CLOCK: variants seen among roughly 807,000 people sequenced by gnomAD.
The protein encoded by CLOCK is clock circadian regulator.
In CLOCK, 43 loss-of-function variants were observed where a neutral mutation model predicts 118.4. The observed-to-expected ratio is 0.36, with a 90% CI of 0.28 to 0.47. The LOEUF is 0.47. CLOCK is among the 20% of genes least tolerant of loss of function. The probability of loss-of-function intolerance (pLI) is 1.00; values close to 1 mark genes in which losing one functional copy is unlikely to be tolerated. For synonymous variants in CLOCK, 326 were observed against 339.2 expected (o/e 0.96, Z 0.43); for missense variants, 846 against 999.9 (o/e 0.85, Z 2.08).
intron 17 of CLOCK, 90 bp from the exon 18 acceptor site, chr4:55,448,958 AT>A: frequency 9.6e-7 from 1 of 1,036,558 alleles, no homozygotes; most frequent in South Asian, 1.3e-5. Context: ...ATTCGTATTA[AT>A]AAACTTACCA....
intron 11 of CLOCK, 110 bp from the exon 12 acceptor site, chr4:55,456,410 C>T: frequency 1.4e-6 from 1 of 701,856 alleles, no homozygotes; most frequent in South Asian, 1.7e-5. Flanking sequence ...CACCTGTAAT[C>T]CCAGCACTTT....
chr4:55,525,081 T>C (rs962413211), intron 1 of CLOCK, among the ~76,000 whole-genome samples: 1 of 152,198 alleles, frequency 6.6e-6, no homozygotes, highest in African/African-American at 2.4e-5. Flanking sequence ...GAAACAAATC[T>C]TAGTAATGAA....
chr4:55,511,624 C>T (rs1729150498), intron 1 of CLOCK, among the ~76,000 whole-genome samples: 1 of 152,122 alleles, frequency 6.6e-6, no homozygotes, highest in Admixed American at 6.5e-5. Context: ...ACTGACACAT[C>T]CTTATCACCC....
Position 55,428,769 on chromosome 4 carries a change from A to G in CLOCK, c.*6646T>C, listed in dbSNP as rs2109581500. The G allele has an allele frequency of 6.6e-6, 1 of 152,168 alleles. No homozygotes were observed. The highest frequency in any genetic ancestry group is 6.5e-5 in the Admixed American group (1 of 15,294). The allele number at this position is 152,168 out of a possible 1,614,324, so 9.4% of individuals were successfully genotyped here. A position where few individuals can be genotyped will look rare whatever the true frequency, so the allele number is the denominator to read the frequency against. On this transcript the variant is annotated 3_prime_UTR_variant, in exon 23 of 23. Coordinates refer to ENST00000513440, the MANE Select transcript of CLOCK (RefSeq NM_004898.4). ...ACTACCAACTGATGTTAACAATGAAAAATTTACAAAGGTAAAACTTTTTTT... is the reference window on the plus strand; with the variant it reads ...ACTACCAACTGATGTTAACAATGAAGAATTTACAAAGGTAAAACTTTTTTT...
At chr4:55,526,667 G>A (rs982598180) in intron 1 of CLOCK, among the ~76,000 whole-genome samples, 1 of 151,994 alleles carries the variant, frequency 6.6e-6, no homozygotes, top group African/African-American at 2.4e-5. Context: ...AAAAGCTCTA[G>A]GCCGGGCACG....
intron 1 of CLOCK, among the ~76,000 whole-genome samples, chr4:55,542,072 G>A (rs1731303643): frequency 6.6e-6 from 1 of 151,808 alleles, no homozygotes. Context: ...TGGGCATGGT[G>A]GCTCATGCCT....
At chr4:55,473,495 C>T (rs1726286733) in intron 7 of CLOCK, among the ~76,000 whole-genome samples, 1 of 152,168 alleles carries the variant, frequency 6.6e-6, no homozygotes, top group South Asian at 2.1e-4. Flanking sequence ...AAGAATTAAT[C>T]ACACAATTAA....
At chr4:55,504,240 C>T (rs577531754) in intron 2 of CLOCK, among the ~76,000 whole-genome samples, 75 of 140,986 alleles carry the variant, frequency 5.3e-4, no homozygotes, top group African/African-American at 1.9e-3. Context: ...GAGCCAAGAT[C>T]GCACCACTGC....
intron 6 of CLOCK, among the ~76,000 whole-genome samples, chr4:55,477,222 A>G (rs1463967949): frequency 6.6e-6 from 1 of 151,994 alleles, no homozygotes; most frequent in Non-Finnish European, 1.5e-5. Flanking sequence ...TGAAAAAAAA[A>G]ATTACCTAAT....
At chr4:55,492,952 A>C (rs1727818784) in intron 2 of CLOCK, among the ~76,000 whole-genome samples, 1 of 152,256 alleles carries the variant, frequency 6.6e-6, no homozygotes, top group Non-Finnish European at 1.5e-5. Flanking sequence ...GAATATAGCA[A>C]AAGTATCAAC....
Position 55,448,823 on chromosome 4 carries a change from T to C in CLOCK, c.1495A>G (p.Met499Val). ...ATTGGTAAATTTGTAGCTTGAGACATCACTGGCTGTGTTAATGATGAACCA... is the reference window on the plus strand; with the variant it reads ...ATTGGTAAATTTGTAGCTTGAGACACCACTGGCTGTGTTAATGATGAACCA... ...SVGSSLTQPV[M>V]SQATNLPIPQ... is the part of the protein sequence containing the mutation. Residue 499 changes from methionine to valine, a missense_variant, in exon 18 of 23, where the codon ATG becomes GTG. Coordinates refer to ENST00000513440, the MANE Select transcript of CLOCK (RefSeq NM_004898.4). 6.2e-7 allele frequency: 1 copy of C among 1,614,014 alleles called. No homozygotes were observed. Among genetic ancestry groups the C allele is most frequent in the South Asian group, 1.1e-5 (1 of 91,076 alleles).
At chr4:55,531,246 C>T (rs1730523752) in intron 1 of CLOCK, among the ~76,000 whole-genome samples, 1 of 151,798 alleles carries the variant, frequency 6.6e-6, no homozygotes, top group Non-Finnish European at 1.5e-5. Flanking sequence ...AAAAAATAGC[C>T]CCAGCACTAT....
chr4:55,540,069 G>A (rs28525309), intron 1 of CLOCK, among the ~76,000 whole-genome samples: 2 of 149,852 alleles, frequency 1.3e-5, no homozygotes, highest in Non-Finnish European at 3.0e-5. Flanking sequence ...GTGCAATGGC[G>A]TGATCTCTGC....
chr4:55,456,525 G>A (rs764016654), intron 11 of CLOCK, among the ~76,000 whole-genome samples: 2 of 151,894 alleles, frequency 1.3e-5, no homozygotes, highest in Non-Finnish European at 2.9e-5. Context: ...AGCAGGGCAC[G>A]GTGGCGGGCA....
Position 55,431,239 on chromosome 4 carries a change from A to G in CLOCK, c.*4176T>C, listed in dbSNP as rs1391866988. ...ACCTGTCTCATAAAGCAGCAGCACT[A>G]TCTTTTGGTAGGCTGACAATAGGCA... is the stretch of plus-strand genomic sequence containing the variant. On this transcript the variant is annotated 3_prime_UTR_variant, in exon 23 of 23. Transcript: ENST00000513440. 1.3e-5 allele frequency: 2 copies of G among 152,212 alleles called. No individual in the cohort carries two copies. The highest frequency in any genetic ancestry group is 2.9e-5 in the Non-Finnish European group (2 of 68,030). The allele number at this position is 152,212 out of a possible 1,614,324, so 9.4% of individuals were successfully genotyped here. A position where few individuals can be genotyped will look rare whatever the true frequency, so the allele number is the denominator to read the frequency against.
At chr4:55,472,065 T>C (rs953033853) in intron 7 of CLOCK, among the ~76,000 whole-genome samples, 1 of 151,968 alleles carries the variant, frequency 6.6e-6, no homozygotes, top group Non-Finnish European at 1.5e-5. Flanking sequence ...AGTGAGACCC[T>C]GTCTCAAAAT....
At position 55,515,618 on chromosome 4, in the gene CLOCK, C is replaced by T. The variant is rs927831039; in HGVS notation, c.-289-5553G>A. Among the ~76,000 whole-genome samples the T allele has an allele frequency of 1.8e-4, 28 of 152,098 alleles. 1 individual carries two copies. Among genetic ancestry groups the T allele is most frequent in the Admixed American group, 1.4e-3 (21 of 15,248 alleles). ...CAGGATGGTCTCAATCTCCTGACCT[C>T]GTGATCCACCCACCTCTGCCTCCCA... On this transcript the variant is annotated intron_variant, in intron 1 of 22. Transcript: ENST00000513440.
chr4:55,526,360 G>T (rs1413248655), intron 1 of CLOCK, among the ~76,000 whole-genome samples: 1 of 152,074 alleles, frequency 6.6e-6, no homozygotes, highest in Non-Finnish European at 1.5e-5. Flanking sequence ...ATTTCACAAT[G>T]GATCATATTG....
chr4:55,524,719 G>A (rs1730060008), intron 1 of CLOCK, among the ~76,000 whole-genome samples: 5 of 152,138 alleles, frequency 3.3e-5, no homozygotes. Context: ...AGCCTGAGGT[G>A]CATTTATTTT....
Sources: allele counts gnomAD v4.1 joint callset (sites outside exome capture counted in the v4.1 genomes callset), GRCh38; gene constraint gnomAD v4.1.1; transcripts MANE v1.5; gene names NCBI Gene and HGNC (gene_info 2026-07-23, HGNC 2026-07-21).